The following ANKS1B variants were observed in gnomAD, a reference collection of about 807,000 sequenced individuals.
ANKS1B encodes the protein ankyrin repeat and sterile alpha motif domain containing 1B, also known as ankyrin repeat and sterile alpha motif domain-containing protein 1B.
A neutral mutation model predicts 148.3 loss-of-function variants in ANKS1B; 36 were observed. The ratio of observed to expected loss-of-function variants is 0.24; its 90% CI spans 0.19 to 0.32. The LOEUF (loss-of-function observed/expected upper bound fraction) is 0.32. Among genes scored for constraint, ANKS1B ranks in the 10% least tolerant of loss-of-function variants. The pLI is 1.00. For synonymous variants in ANKS1B, 542 were observed against 560.8 expected (o/e 0.97, Z 0.47); for missense variants, 1,157 against 1,542.6 (o/e 0.75, Z 4.19).
chr12:99,634,588 G>A (rs766725379), intron 9 of ANKS1B, among the ~76,000 whole-genome samples: 2 of 152,088 alleles, frequency 1.3e-5, no homozygotes, highest in Non-Finnish European at 2.9e-5. Flanking sequence ...GTTGTAAAAT[G>A]CTAATTTTAT....
At chr12:99,001,430 C>A (rs2099932975) in intron 17 of ANKS1B, among the ~76,000 whole-genome samples, 1 of 152,130 alleles carries the variant, frequency 6.6e-6, no homozygotes, top group South Asian at 2.1e-4. Context: ...TGCCAGGCCC[C>A]AGTTTCAGTT....
intron 12 of ANKS1B, among the ~76,000 whole-genome samples, chr12:99,323,640 ATCATT>A (rs769100615): frequency 1.4e-3 from 207 of 152,354 alleles, no homozygotes; most frequent in Non-Finnish European, 2.5e-3. Flanking sequence ...GGACTAAATA[ATCATT>A]TCATTTTGTC....
At chr12:98,880,821 C>G (rs2099705759) in intron 17 of ANKS1B, among the ~76,000 whole-genome samples, 1 of 151,908 alleles carries the variant, frequency 6.6e-6, no homozygotes, top group Non-Finnish European at 1.5e-5. Flanking sequence ...ACAACAACAA[C>G]AAGATGGGTA....
At chr12:98,900,480 T>TTATAA (rs2099770504) in intron 17 of ANKS1B, among the ~76,000 whole-genome samples, 1 of 152,166 alleles carries the variant, frequency 6.6e-6, no homozygotes, top group Admixed American at 6.5e-5. Context: ...AATGCCAAAC[T>TTATAA]TACAAAACTT....
chr12:99,537,830 C>T (rs1488656029), intron 9 of ANKS1B, among the ~76,000 whole-genome samples: 1 of 152,006 alleles, frequency 6.6e-6, no homozygotes, highest in Non-Finnish European at 1.5e-5. Flanking sequence ...GAAATTTTTG[C>T]CCAGACCAAT....
At chr12:99,280,146 C>T (rs1355884306) in intron 12 of ANKS1B, among the ~76,000 whole-genome samples, 4 of 150,616 alleles carry the variant, frequency 2.7e-5, no homozygotes, top group East Asian at 3.9e-4. Flanking sequence ...AGAAACAGAA[C>T]CAATAGAGTC....
chr12:99,204,478 C>T (rs1016306951), intron 14 of ANKS1B, among the ~76,000 whole-genome samples: 10 of 152,150 alleles, frequency 6.6e-5, no homozygotes, highest in African/African-American at 2.2e-4. Context: ...GAGTGAAATC[C>T]GATCTCCATC....
chr12:99,546,150 G>A (rs2097171075), intron 9 of ANKS1B, among the ~76,000 whole-genome samples: 1 of 152,096 alleles, frequency 6.6e-6, no homozygotes, highest in Non-Finnish European at 1.5e-5. Context: ...CAGTCAATAA[G>A]TGACAATTTA....
In ANKS1B at chr12:99,580,510, A is replaced by T. The variant is rs116074024; in HGVS notation, c.1272+74557T>A. ...GAAATAAGCCAGGCATAGAAAGACAAATATTGCATGTATTTACTCATATGT... is the reference window on the plus strand; with the variant it reads ...GAAATAAGCCAGGCATAGAAAGACATATATTGCATGTATTTACTCATATGT... On this transcript the variant is annotated intron_variant, in intron 9 of 26. Transcript: ENST00000683438. Among the ~76,000 whole-genome samples the T allele has an allele frequency of 7.1e-3, 1,077 of 152,290 alleles. 13 individuals carry two copies. Among genetic ancestry groups the T allele is most frequent in the African/African-American group, 0.025 (1,019 of 41,562 alleles).
chr12:99,730,592 C>T (rs1257572530), intron 8 of ANKS1B, among the ~76,000 whole-genome samples: 2 of 152,172 alleles, frequency 1.3e-5, no homozygotes, highest in East Asian at 3.9e-4. Context: ...GAGAACTCTA[C>T]TTCAGAACTT....
In ANKS1B at chr12:99,154,313, A is replaced by G. The variant is rs1365106125; in HGVS notation, c.2502T>C (p.Asn834=). 1.9e-6 allele frequency: 3 copies of G among 1,613,584 alleles called. No homozygotes were observed. Among genetic ancestry groups the G allele is most frequent in the Admixed American group, 3.3e-5 (2 of 59,972 alleles). ...LPQYENHLMA[N]GFDNVQFMGS... ...CCATAAACTGCACATTGTCAAATCC[A>G]TTAGCCATCAGGTGGTTCTCGTACT... The change falls in exon 15 of 27, where the codon AAT becomes AAC. Residue 834 remains asparagine, a synonymous_variant. Transcript: ENST00000683438.
At chr12:99,063,433 G>A (rs2043080947) in intron 16 of ANKS1B, among the ~76,000 whole-genome samples, 1 of 152,174 alleles carries the variant, frequency 6.6e-6, no homozygotes, top group African/African-American at 2.4e-5. Context: ...CAAATCTACA[G>A]GCTGTGAGAC....
intron 12 of ANKS1B, among the ~76,000 whole-genome samples, chr12:99,249,020 T>C (rs2074233978): frequency 6.6e-6 from 1 of 152,184 alleles, no homozygotes; most frequent in Non-Finnish European, 1.5e-5. Context: ...AGACCTGGCA[T>C]CTTGTTCCAA....
chr12:99,506,530 G>A (rs918789784), intron 9 of ANKS1B, among the ~76,000 whole-genome samples: 3 of 151,998 alleles, frequency 2.0e-5, no homozygotes, highest in Non-Finnish European at 4.4e-5. Flanking sequence ...CCATGTCAGA[G>A]AAGAAATGAT....
chr12:99,188,511 C>T (rs2080195439), intron 14 of ANKS1B, among the ~76,000 whole-genome samples: 1 of 152,176 alleles, frequency 6.6e-6, no homozygotes, highest in Admixed American at 6.5e-5. Flanking sequence ...GACCACAGTG[C>T]AATCAAATTG....
intron 17 of ANKS1B, among the ~76,000 whole-genome samples, chr12:98,887,882 G>T (rs2099743690): frequency 6.6e-6 from 1 of 152,178 alleles, no homozygotes; most frequent in African/African-American, 2.4e-5. Context: ...CAAAGTGCTA[G>T]GATTACGGGC....
intron 17 of ANKS1B, among the ~76,000 whole-genome samples, chr12:99,051,537 ATG>A (rs2099966075): frequency 6.6e-6 from 1 of 152,224 alleles, no homozygotes; most frequent in Non-Finnish European, 1.5e-5. Flanking sequence ...ATGAGTAGCC[ATG>A]TGATGAGTGT....
intron 16 of ANKS1B, among the ~76,000 whole-genome samples, chr12:99,076,569 G>C (rs1488287801): frequency 1.3e-5 from 2 of 152,096 alleles, no homozygotes; most frequent in Admixed American, 6.6e-5. Flanking sequence ...GATGGTCAAA[G>C]GGGCTGACTC....
At chr12:99,858,688 A>G (rs1054257995) in intron 1 of ANKS1B, among the ~76,000 whole-genome samples, 3 of 152,152 alleles carry the variant, frequency 2.0e-5, no homozygotes, top group Non-Finnish European at 4.4e-5. Flanking sequence ...ACGGAATACT[A>G]CTCAGCAATA....
Sources: gnomAD v4.1 joint callset for allele counts (sites outside exome capture counted in the v4.1 genomes callset) on GRCh38, gnomAD v4.1.1 for gene constraint, MANE v1.5 for transcripts, NCBI Gene and HGNC (gene_info 2026-07-23, HGNC 2026-07-21) for gene names.